The following HS6ST2 variants were observed in gnomAD, a reference collection of about 807,000 sequenced individuals.
HS6ST2 encodes the protein heparan sulfate 6-O-sulfotransferase 2, also known as heparan-sulfate 6-O-sulfotransferase 2.
Under a neutral mutation model 33.0 loss-of-function variants are expected in HS6ST2, and 17 were observed. The ratio of observed to expected loss-of-function variants is 0.52; its 90% CI spans 0.35 to 0.77. The LOEUF is 0.77. Ranked by LOEUF, HS6ST2 falls within the 30% of genes least tolerant of loss-of-function variation. The pLI, the probability that HS6ST2 is intolerant of heterozygous loss-of-function variation, is 0.01. For missense variants in HS6ST2, 519 were observed against 551.7 expected, an observed-to-expected ratio of 0.94 and a Z score of 0.59; for synonymous variants, 248 against 237.1, an observed-to-expected ratio of 1.05 and a Z score of -0.42.
chrX:132,877,775 A>G (rs930035026), intron 2 of HS6ST2, among the ~76,000 whole-genome samples: 2 of 110,986 alleles, frequency 1.8e-5, no homozygotes, highest in African/African-American at 6.5e-5. Flanking sequence ...TGAACCCTAC[A>G]ATAAGCTACA....
intron 2 of HS6ST2, among the ~76,000 whole-genome samples, chrX:132,815,327 A>T (rs971764232): frequency 8.9e-6 from 1 of 112,281 alleles, no homozygotes; most frequent in Non-Finnish European, 1.9e-5. Flanking sequence ...TAAGTACTTC[A>T]TATAGAAACT....
intron 2 of HS6ST2, among the ~76,000 whole-genome samples, chrX:132,903,749 A>G (rs940079590): frequency 1.8e-5 from 2 of 112,312 alleles, no homozygotes; most frequent in Non-Finnish European, 1.9e-5. Context: ...GCATAAAAAC[A>G]TGACTTTCTT....
intron 2 of HS6ST2, among the ~76,000 whole-genome samples, chrX:132,952,202 C>T (rs966927495): frequency 8.9e-6 from 1 of 111,934 alleles, no homozygotes; most frequent in Admixed American, 9.5e-5. Context: ...TTTGTAAGGA[C>T]TCCAACACCA....
intron 2 of HS6ST2, among the ~76,000 whole-genome samples, chrX:132,856,502 A>G: frequency 8.9e-6 from 1 of 111,918 alleles, no homozygotes; most frequent in Admixed American, 9.5e-5. Flanking sequence ...GATTGCAAAC[A>G]CTATAAAAAT....
At chrX:132,803,422 T>G (rs2065254278) in intron 2 of HS6ST2, among the ~76,000 whole-genome samples, 1 of 111,190 alleles carries the variant, frequency 9.0e-6, no homozygotes, top group Non-Finnish European at 1.9e-5. Context: ...TTTATTTTAT[T>G]ATTTGAGTCA....
At chrX:132,825,870 T>C (rs2065512979) in intron 2 of HS6ST2, among the ~76,000 whole-genome samples, 1 of 112,122 alleles carries the variant, frequency 8.9e-6, no homozygotes, top group African/African-American at 3.2e-5. Context: ...GCTAATCTAC[T>C]CTCTGTGTCA....
Position 132,957,013 on chromosome X carries a change from G to A in HS6ST2, c.742C>T (p.Arg248Cys). 1 of 1,211,696 alleles carries A rather than the reference G, an allele frequency of 8.3e-7. No individual in the cohort carries two copies. The change falls in exon 2 of 5, where the codon CGT becomes TGT. Residue 248 changes from arginine (R) to cysteine (C), a missense_variant. Transcript: ENST00000370833. ...GGTTFGRHLVRNIQLEQPCEC... is the reference protein window; with the variant it reads ...GGTTFGRHLVCNIQLEQPCEC... ...CACGGCTGCTCCAGCTGGATGTTAC[G>A]CACCAAGTGGCGGCCGAAAGTGGTG...
rs145923381 is a variant in HS6ST2 at position 132,683,321 on chromosome X, C to A, written c.981-14122G>T. Among the ~76,000 whole-genome samples the A allele has an allele frequency of 7.2e-5, 8 of 111,833 alleles. No individual in the cohort carries two copies. In the East Asian group the frequency reaches 2.3e-3, roughly 32 times the overall value. ...AACTGCTTTCAGGCATGGGCCCTGA[C>A]CTATCTAGTTTTAGTTTCTGAGCAC... On this transcript the variant is annotated intron_variant, in intron 3 of 4. Transcript: ENST00000370833.
chrX:132,768,209 C>T (rs925607784), intron 2 of HS6ST2, among the ~76,000 whole-genome samples: 2 of 108,666 alleles, frequency 1.8e-5, no homozygotes, highest in Admixed American at 2.0e-4. Context: ...TGGTGGTGGA[C>T]ACCTTTAGTC....
At chrX:132,897,853 T>C (rs2066390015) in intron 2 of HS6ST2, among the ~76,000 whole-genome samples, 2 of 111,743 alleles carry the variant, frequency 1.8e-5, no homozygotes, top group Non-Finnish European at 3.8e-5. Context: ...GTCACTTTAT[T>C]TCTGTTGCTA....
intron 2 of HS6ST2, among the ~76,000 whole-genome samples, chrX:132,755,817 A>G (rs771699400): frequency 7.1e-4 from 79 of 111,916 alleles, no homozygotes; most frequent in African/African-American, 2.5e-3. Context: ...CATAAGTAGA[A>G]ACTTCTCTTT....
intron 2 of HS6ST2, among the ~76,000 whole-genome samples, chrX:132,764,047 T>C (rs2148313094): frequency 8.9e-6 from 1 of 112,342 alleles, no homozygotes; most frequent in South Asian, 3.8e-4. Context: ...TTACAGAATT[T>C]GTGAGACAAT....
chrX:132,867,294 A>G (rs12394189), intron 2 of HS6ST2, among the ~76,000 whole-genome samples: 44,991 of 96,238 alleles, frequency 0.47, 9,936 homozygotes, highest in African/African-American at 0.64. Context: ...ATTGATTTGC[A>G]TATATTGAAC....
At chrX:132,738,729 C>T (rs1165801265) in intron 2 of HS6ST2, among the ~76,000 whole-genome samples, 1 of 111,984 alleles carries the variant, frequency 8.9e-6, no homozygotes, top group Non-Finnish European at 1.9e-5. Flanking sequence ...TCATTGGTTT[C>T]TTCATTCTCC....
At chrX:132,920,655 T>A (rs2066642600) in intron 2 of HS6ST2, among the ~76,000 whole-genome samples, 1 of 112,469 alleles carries the variant, frequency 8.9e-6, no homozygotes, top group African/African-American at 3.2e-5. Flanking sequence ...AGAATAGACA[T>A]CAAGTTATTG....
chrX:132,803,900 A>G (rs1324859044), intron 2 of HS6ST2, among the ~76,000 whole-genome samples: 4 of 111,624 alleles, frequency 3.6e-5, no homozygotes, highest in African/African-American at 3.3e-5. Context: ...GGAACATAGG[A>G]AGGACTAAAA....
rs7057304 is a variant in HS6ST2, at chrX:132,910,723, C to T, written c.947+46085G>A. Among the ~76,000 whole-genome samples, 383 of 111,723 alleles carry T rather than the reference C, an allele frequency of 3.4e-3. 1 individual carries two copies. The highest frequency in any genetic ancestry group is 0.012 in the African/African-American group (360 of 30,773). ...AAAGTAAAATCCTGGCCTTATATTC[C>T]TTTGTTCCAGGGCGTATCCAACACA... On this transcript the variant is annotated intron_variant, in intron 2 of 4. Coordinates refer to ENST00000370833, the MANE Select transcript of HS6ST2 (RefSeq NM_001394073.1).
intron 2 of HS6ST2, among the ~76,000 whole-genome samples, chrX:132,727,992 A>G (rs971920737): frequency 3.6e-5 from 4 of 112,233 alleles, no homozygotes; most frequent in Non-Finnish European, 7.5e-5. Context: ...TTTTACAGCT[A>G]AACAATATTC....
chrX:132,927,598 G>A (rs1346911515), intron 2 of HS6ST2, among the ~76,000 whole-genome samples: 2 of 111,486 alleles, frequency 1.8e-5, no homozygotes, highest in Non-Finnish European at 3.8e-5. Flanking sequence ...TCCTTGACTG[G>A]TTATGGATCC....
Sources: gnomAD v4.1 joint callset for allele counts (sites outside exome capture counted in the v4.1 genomes callset) on GRCh38, gnomAD v4.1.1 for gene constraint, MANE v1.5 for transcripts, NCBI Gene and HGNC (gene_info 2026-07-23, HGNC 2026-07-21) for gene names.